The following LRRFIP2 variants were observed in gnomAD, a reference collection of about 807,000 sequenced individuals.
The protein encoded by LRRFIP2 is leucine-rich repeat flightless-interacting protein 2.
In LRRFIP2, 109 loss-of-function variants were observed where a neutral mutation model predicts 125.9. The ratio of observed to expected loss-of-function variants is 0.87; its 90% CI spans 0.74 to 1.01. The LOEUF (loss-of-function observed/expected upper bound fraction) is 1.01, where lower values mean the gene tolerates loss of function less well. Ranked by LOEUF, LRRFIP2 falls within the 50% of genes least tolerant of loss-of-function variation. The probability of loss-of-function intolerance (pLI) is 0.00; values close to 1 mark genes in which losing one functional copy is unlikely to be tolerated. For missense variants in LRRFIP2, 850 were observed against 862.3 expected (o/e 0.99, Z 0.18); for synonymous variants, 291 against 293.1 (o/e 0.99, Z 0.07).
intron 1 of LRRFIP2, among the ~76,000 whole-genome samples, chr3:37,167,541 C>T (rs1671902779): frequency 6.6e-6 from 1 of 151,546 alleles, no homozygotes; most frequent in African/African-American, 2.4e-5. Flanking sequence ...ATAGTCCCAG[C>T]TACTTGGGAG....
At chr3:37,142,965 G>A (rs578260025) in intron 2 of LRRFIP2, among the ~76,000 whole-genome samples, 1 of 152,272 alleles carries the variant, frequency 6.6e-6, no homozygotes, top group South Asian at 2.1e-4. Flanking sequence ...GGGTCATCGG[G>A]GTGGATCCCT....
At chr3:37,109,816 G>T in intron 9 of LRRFIP2, 113 bp from the exon 10 acceptor site, 1 of 859,752 alleles carries the variant, frequency 1.2e-6, no homozygotes, top group Non-Finnish European at 1.9e-6. Context: ...TAATTCATTA[G>T]CAATTCCTGA....
At chr3:37,079,960 C>T (rs185400007) in intron 19 of LRRFIP2, among the ~76,000 whole-genome samples, 2 of 152,054 alleles carry the variant, frequency 1.3e-5, no homozygotes, top group African/African-American at 4.8e-5. Context: ...TATATGGTTT[C>T]TTTCTGAGGT....
chr3:37,121,451 C>T (rs1427779272), intron 6 of LRRFIP2, 41 bp downstream of exon 6: 2 of 1,583,474 alleles, frequency 1.3e-6, no homozygotes, highest in African/African-American at 1.3e-5. Flanking sequence ...AGAAAGCTCA[C>T]ACGTAAGCTT....
chr3:37,166,227 G>A (rs1028508327), intron 1 of LRRFIP2, among the ~76,000 whole-genome samples: 2 of 152,120 alleles, frequency 1.3e-5, no homozygotes, highest in Non-Finnish European at 2.9e-5. Context: ...CTATTCAGGA[G>A]ACTGAGGCAG....
At chr3:37,104,745 A>G (rs1559860857) in intron 14 of LRRFIP2, among the ~76,000 whole-genome samples, 1 of 152,238 alleles carries the variant, frequency 6.6e-6, no homozygotes, top group East Asian at 1.9e-4. Context: ...TTTGTATTCT[A>G]ACATAGCTAT....
rs565203491 is a variant in LRRFIP2 at position 37,056,592 on chromosome 3, T to C, written c.1871-1427A>G. Among the ~76,000 whole-genome samples, 18 of 152,222 alleles carry C rather than the reference T, an allele frequency of 1.2e-4. No individual in the cohort carries two copies. The East Asian group carries it at 3.5e-3, about 29-fold the overall frequency. On this transcript the variant is annotated intron_variant, in intron 25 of 27. Coordinates refer to ENST00000336686, the MANE Select transcript of LRRFIP2 (RefSeq NM_006309.4). ...CCTCAGCCTCCTGAGTAGCTGGGAC[T>C]ACAGGCACCCGCCACCATGCCTGGC...
chr3:37,066,053 C>A, intron 22 of LRRFIP2, 111 bp from the exon 23 acceptor site: 1 of 1,448,456 alleles, frequency 6.9e-7, no homozygotes, highest in South Asian at 1.2e-5. Flanking sequence ...TGGTTAGAAT[C>A]AGTTACATGA....
At chr3:37,055,895 T>C (rs1432152719) in intron 25 of LRRFIP2, among the ~76,000 whole-genome samples, 1 of 152,206 alleles carries the variant, frequency 6.6e-6, no homozygotes. Context: ...TGTCCAATAC[T>C]GTAAGGGTCC....
chr3:37,140,653 CA>C (rs577510997), intron 2 of LRRFIP2, among the ~76,000 whole-genome samples: 54 of 62,220 alleles, frequency 8.7e-4, no homozygotes, highest in Admixed American at 9.1e-4. Flanking sequence ...ATTCTGTCTC[CA>C]AAAAAAAAAA....
At position 37,101,679 on chromosome 3, in the gene LRRFIP2, A is replaced by AG. The variant is rs1384133415; in HGVS notation, c.873+1244_873+1245insC. On this transcript the variant is annotated intron_variant, in intron 15 of 27. Transcript: ENST00000336686. The stretch of plus-strand genomic sequence containing the variant: ...AACCCTGTCACCAAGAAAAAAAAAA[A>AG]AAAAAGAAGAAGAAGAAGAAAGAAA... Among the ~76,000 whole-genome samples the AG allele has an allele frequency of 3.8e-3, 568 of 150,958 alleles. 2 individuals are homozygous for AG. The highest frequency in any genetic ancestry group is 0.013 in the African/African-American group (516 of 41,060).
At position 37,119,610 on chromosome 3, in the gene LRRFIP2, A is replaced by G. The variant is rs186744311; in HGVS notation, c.330+1882T>C. 2.0e-4 allele frequency among the ~76,000 whole-genome samples: 31 copies of G among 152,340 alleles called. No individual in the cohort carries two copies. In the East Asian group the frequency reaches 5.8e-3, roughly 28 times the overall value. On this transcript the variant is annotated intron_variant, in intron 6 of 27. Coordinates refer to ENST00000336686, the MANE Select transcript of LRRFIP2 (RefSeq NM_006309.4). The stretch of plus-strand genomic sequence containing the variant: ...TTATTTTCACAGCCTTTGAGACTTA[A>G]CTTTAAAGCTTTTATTGACTGACTC...
intron 7 of LRRFIP2, among the ~76,000 whole-genome samples, chr3:37,114,284 C>G (rs916271711): frequency 6.6e-6 from 1 of 151,948 alleles, no homozygotes; most frequent in Non-Finnish European, 1.5e-5. Flanking sequence ...CAAATCAAAC[C>G]AAAATGTTTG....
intron 1 of LRRFIP2, among the ~76,000 whole-genome samples, chr3:37,168,847 A>G (rs988116203): frequency 7.2e-5 from 11 of 152,198 alleles, no homozygotes; most frequent in African/African-American, 2.7e-4. Flanking sequence ...AGATGTGCTC[A>G]TAGCACACTA....
intron 21 of LRRFIP2, among the ~76,000 whole-genome samples, chr3:37,069,723 C>T (rs942994235): frequency 2.0e-5 from 3 of 152,130 alleles, no homozygotes; most frequent in Non-Finnish European, 2.9e-5. Flanking sequence ...GTTATTTGTA[C>T]TTTAGCACAA....
chr3:37,089,587 T>C lies in LRRFIP2; in HGVS notation c.1107+1880A>G, dbSNP rs979158241. 4.6e-5 allele frequency among the ~76,000 whole-genome samples: 7 copies of C among 152,244 alleles called. No individual in the cohort carries two copies. In the East Asian group the frequency reaches 1.3e-3, roughly 29 times the overall value. ...CGTAATCTGAAGTCAAGTTCAATTA[T>C]ATTCTGGCATGAATTAGGACAAGGG... On this transcript the variant is annotated intron_variant, in intron 18 of 27. Transcript: ENST00000336686.
chr3:37,124,323 C>G (rs2095189305), intron 4 of LRRFIP2, among the ~76,000 whole-genome samples: 1 of 152,188 alleles, frequency 6.6e-6, no homozygotes, highest in Non-Finnish European at 1.5e-5. Flanking sequence ...TTACGTAAAA[C>G]TGTAAGGCAA....
At chr3:37,143,527 G>A (rs1339130099) in intron 2 of LRRFIP2, 10 of 249,278 alleles carry the variant, frequency 4.0e-5, no homozygotes, top group Non-Finnish European at 7.8e-5. Flanking sequence ...TGTAGTCATC[G>A]ACTTTATTCA....
intron 12 of LRRFIP2, among the ~76,000 whole-genome samples, chr3:37,108,341 T>A (rs1003359425): frequency 6.6e-6 from 1 of 152,190 alleles, no homozygotes; most frequent in East Asian, 1.9e-4. Flanking sequence ...CCCTGAGAAG[T>A]GCTGCTCAGA....
Sources: allele counts gnomAD v4.1 joint callset (sites outside exome capture counted in the v4.1 genomes callset), GRCh38; gene constraint gnomAD v4.1.1; transcripts MANE v1.5; gene names NCBI Gene and HGNC (gene_info 2026-07-23, HGNC 2026-07-21).